Variants in PCDHGC3 observed in about 807,000 individuals in gnomAD.
The protein encoded by PCDHGC3 is protocadherin gamma subfamily C, 3.
PCDHGC3 carries 26 observed loss-of-function variants against 59.2 expected under a neutral mutation model. That is an observed-to-expected ratio of 0.44 (90% CI 0.32 to 0.61). The LOEUF is 0.61. Among genes scored for constraint, PCDHGC3 ranks in the 20% least tolerant of loss-of-function variants. The pLI, the probability that PCDHGC3 is intolerant of heterozygous loss-of-function variation, is 0.05. For missense variants in PCDHGC3, 1,080 were observed against 1,221.8 expected (o/e 0.88, Z 1.73); for synonymous variants, 487 against 519.7 (o/e 0.94, Z 0.86).
chr5:141,487,258 G>A lies in PCDHGC3; in HGVS notation c.2431-7549G>A, dbSNP rs368598017. The A allele has an allele frequency of 3.7e-6, 6 of 1,614,026 alleles. No homozygotes were observed. Among genetic ancestry groups the A allele is most frequent in the Non-Finnish European group, 4.2e-6 (5 of 1,180,030 alleles). On this transcript the variant is annotated intron_variant, in intron 1 of 3. Transcript: ENST00000308177. The surrounding 1 kb of genome is among the most constrained non-coding windows in gnomAD (Gnocchi z 5.0). ...CTCGTCTAACCCTCTACTTGGCTGT[G>A]TCCCTAGTGGCAATTTGCTTTGTCT...
rs143278253 is a variant in PCDHGC3 at position 141,476,491 on chromosome 5, C to T, written c.375C>T (p.Ile125=). 9.5e-5 allele frequency: 153 copies of T among 1,613,894 alleles called. No individual in the cohort carries two copies. The highest frequency in any genetic ancestry group is 5.4e-5 in the Non-Finnish European group (64 of 1,180,020). The change falls in exon 1 of 4, where the codon ATC becomes ATT. Residue 125 remains isoleucine, a synonymous_variant. Transcript: ENST00000308177. This position sits in a 1 kb window ranked among gnomAD's most constrained non-coding sequence, Gnocchi z 7.6. The part of the protein sequence containing the change: ...PLELFSVEVV[I]QDINDNNPAF... ...AGCTGTTCAGCGTGGAAGTGGTGAT[C>T]CAGGACATCAACGACAACAATCCTG... is the stretch of plus-strand genomic sequence containing the variant.
Position 141,487,830 on chromosome 5 carries a change from T to C in PCDHGC3, c.2431-6977T>C, listed in dbSNP as rs1410090651. On this transcript the variant is annotated intron_variant, in intron 1 of 3. Transcript: ENST00000308177. This position sits in a 1 kb window ranked among gnomAD's most constrained non-coding sequence, Gnocchi z 5.0. ...TTTAGCATTGGGGGCGGGTCATGCC[T>C]ATATCTGAGTAAGAAATGAAAGTAA... The C allele has an allele frequency of 3.5e-6, 4 of 1,139,942 alleles. No homozygotes were observed. The highest frequency in any genetic ancestry group is 1.6e-5 in the African/African-American group (1 of 63,734). The allele number at this position is 1,139,942 out of a possible 1,614,324, so 70.6% of individuals were successfully genotyped here.
chr5:141,491,253 T>C lies in PCDHGC3; in HGVS notation c.2431-3554T>C, dbSNP rs71583648. The C allele has an allele frequency of 2.3e-3, 3,639 of 1,614,176 alleles. 33 individuals carry two copies. The African/African-American group carries it at 0.026, about 11-fold the overall frequency. Reference sequence around the variant, plus strand: ...TGCTGGTTCTGGAGGATGAGGACCCTGAGGAAATGCCCAAATCCAGTGACT... The same window carrying C: ...TGCTGGTTCTGGAGGATGAGGACCCCGAGGAAATGCCCAAATCCAGTGACT... On this transcript the variant is annotated intron_variant, in intron 1 of 3. Coordinates refer to ENST00000308177, the MANE Select transcript of PCDHGC3 (RefSeq NM_002588.4). This position sits in a 1 kb window ranked among gnomAD's most constrained non-coding sequence, Gnocchi z 6.9.
Position 141,490,351 on chromosome 5 carries a change from T to C in PCDHGC3, c.2431-4456T>C. Reference sequence around the variant, plus strand: ...CACACCAGTGGGCACAGTAGTGGGGTTGTTTAATGTGCGAGACCGGGACTC... The same window carrying C: ...CACACCAGTGGGCACAGTAGTGGGGCTGTTTAATGTGCGAGACCGGGACTC... On this transcript the variant is annotated intron_variant, in intron 1 of 3. Transcript: ENST00000308177. The surrounding 1 kb of genome is among the most constrained non-coding windows in gnomAD (Gnocchi z 5.4). 6.2e-7 allele frequency: 1 copy of C among 1,614,028 alleles called. No individual in the cohort carries two copies. The highest frequency in any genetic ancestry group is 1.3e-5 in the African/African-American group (1 of 74,976).
Position 141,491,713 on chromosome 5 carries a change from G to A in PCDHGC3, c.2431-3094G>A. On this transcript the variant is annotated intron_variant, in intron 1 of 3. Transcript: ENST00000308177. This position sits in a 1 kb window ranked among gnomAD's most constrained non-coding sequence, Gnocchi z 6.9. ...GGAGCGGAGCCAGGTGAGGGGCTCG[G>A]CGCCGCCCCGGGCGACCCCTGGGGG... The A allele has an allele frequency of 1.9e-6, 3 of 1,609,174 alleles. No individual in the cohort carries two copies. Among genetic ancestry groups the A allele is most frequent in the Non-Finnish European group, 2.5e-6 (3 of 1,178,054 alleles).
chr5:141,501,290 T>TACACATACACAC (rs1224133816), intron 2 of PCDHGC3, among the ~76,000 whole-genome samples: 9 of 136,158 alleles, frequency 6.6e-5, no homozygotes, highest in Admixed American at 1.6e-4. Context: ...TATTCCCTTA[T>TACACATACACAC]ACACACACAC....
At position 141,476,030 on chromosome 5, in the gene PCDHGC3, G is replaced by A; in HGVS notation, c.-87G>A. On this transcript the variant is annotated 5_prime_UTR_variant, in exon 1 of 4. Coordinates refer to ENST00000308177, the MANE Select transcript of PCDHGC3 (RefSeq NM_002588.4). This position sits in a 1 kb window ranked among gnomAD's most constrained non-coding sequence, Gnocchi z 7.6. ...AAAGCCATGTCGGACTCGGCGCCCA[G>A]CGCCCAAGCGCTAACCCGCTGAAAG... 2.7e-6 allele frequency: 4 copies of A among 1,459,176 alleles called. No individual in the cohort carries two copies. The highest frequency in any genetic ancestry group is 3.6e-6 in the Non-Finnish European group (4 of 1,096,658). The allele number at this position is 1,459,176 out of a possible 1,614,324, so 90.4% of individuals were successfully genotyped here. A position where few individuals can be genotyped will look rare whatever the true frequency, so the allele number is the denominator to read the frequency against.
At position 141,511,239 on chromosome 5, in the gene PCDHGC3, C is replaced by A; in HGVS notation, c.*66C>A. On this transcript the variant is annotated 3_prime_UTR_variant, in exon 4 of 4. Coordinates refer to ENST00000308177, the MANE Select transcript of PCDHGC3 (RefSeq NM_002588.4). ...AACCAGCCCAGCTTCTCCTTACCTG[C>A]ACCCAGGCCTCAGAGTTTCAGGGCT... 1 of 1,587,938 alleles carries A rather than the reference C, an allele frequency of 6.3e-7. No homozygotes were observed. Among genetic ancestry groups the A allele is most frequent in the Admixed American group, 1.8e-5 (1 of 55,480 alleles).
chr5:141,491,507 C>A lies in PCDHGC3; in HGVS notation c.2431-3300C>A, dbSNP rs755899622. 1.9e-6 allele frequency: 3 copies of A among 1,614,038 alleles called. No individual in the cohort carries two copies. The highest frequency in any genetic ancestry group is 1.6e-4 in the Middle Eastern group (1 of 6,062). Reference sequence around the variant, plus strand: ...AACCTGCAGGTGAGCTCGGACGGCACGCTCAAGTACATGGAGGTGACGCTG... The same window carrying A: ...AACCTGCAGGTGAGCTCGGACGGCAAGCTCAAGTACATGGAGGTGACGCTG... On this transcript the variant is annotated intron_variant, in intron 1 of 3. Transcript: ENST00000308177. The surrounding 1 kb of genome is among the most constrained non-coding windows in gnomAD (Gnocchi z 6.9).
chr5:141,500,403 G>GT (rs2099800018), intron 2 of PCDHGC3, among the ~76,000 whole-genome samples: 1 of 151,706 alleles, frequency 6.6e-6, no homozygotes, highest in Non-Finnish European at 1.5e-5. Context: ...TAGAGACGGG[G>GT]TTTCACCGTG....
rs138070043 is a variant in PCDHGC3, at chr5:141,512,950, AAAT to A, written c.*1783_*1785del. 5,271 of 152,332 alleles carry A rather than the reference AAAT, an allele frequency of 0.035. 119 individuals carry two copies. The highest frequency in any genetic ancestry group is 0.075 in the South Asian group (360 of 4,826). The allele number at this position is 152,332 out of a possible 1,614,324, so 9.4% of individuals were successfully genotyped here. On this transcript the variant is annotated 3_prime_UTR_variant, in exon 4 of 4. Coordinates refer to ENST00000308177, the MANE Select transcript of PCDHGC3 (RefSeq NM_002588.4). ...ATATGGCTTTTTTTCTTCGACAAAA[AAAT>A]AATAAAACGTTTCTTCTGAAAAGCT...
chr5:141,486,909 C>A lies in PCDHGC3; in HGVS notation c.2431-7898C>A, dbSNP rs759702188. On this transcript the variant is annotated intron_variant, in intron 1 of 3. Coordinates refer to ENST00000308177, the MANE Select transcript of PCDHGC3 (RefSeq NM_002588.4). The surrounding 1 kb of genome is among the most constrained non-coding windows in gnomAD (Gnocchi z 5.0). ...CGGCCTGGTTCCTTATGTCCCCAAGCACTGCCTCCATCAGTTGGTGCTGGC... is the reference window on the plus strand; with the variant it reads ...CGGCCTGGTTCCTTATGTCCCCAAGAACTGCCTCCATCAGTTGGTGCTGGC... 3.1e-6 allele frequency: 5 copies of A among 1,614,262 alleles called. No individual in the cohort carries two copies. The East Asian group carries it at 1.1e-4, about 36-fold the overall frequency.
chr5:141,494,182 C>T (rs188628485), intron 1 of PCDHGC3, among the ~76,000 whole-genome samples: 132 of 152,244 alleles, frequency 8.7e-4, no homozygotes, highest in African/African-American at 3.1e-3. Flanking sequence ...AGAAGTGTCC[C>T]GGGACTTGGA....
chr5:141,509,709 T>C (rs1344120168), intron 3 of PCDHGC3, among the ~76,000 whole-genome samples: 1 of 152,200 alleles, frequency 6.6e-6, no homozygotes, highest in African/African-American at 2.4e-5. Context: ...CTGGAGGTGC[T>C]GTCTGATGTC....
Position 141,487,660 on chromosome 5 carries a change from T to C in PCDHGC3, c.2431-7147T>C. Reference sequence around the variant, plus strand: ...AACAAATGCTTGAGGGTTATTCTGATCCAGGCATATGGCTAGGCCATGTCC... The same window carrying C: ...AACAAATGCTTGAGGGTTATTCTGACCCAGGCATATGGCTAGGCCATGTCC... On this transcript the variant is annotated intron_variant, in intron 1 of 3. Coordinates refer to ENST00000308177, the MANE Select transcript of PCDHGC3 (RefSeq NM_002588.4). The surrounding 1 kb of genome is among the most constrained non-coding windows in gnomAD (Gnocchi z 5.0). The C allele has an allele frequency of 6.2e-7, 1 of 1,613,442 alleles. No homozygotes were observed. The highest frequency in any genetic ancestry group is 8.5e-7 in the Non-Finnish European group (1 of 1,179,710).
At chr5:141,508,096 G>A (rs1489615862) in intron 3 of PCDHGC3, 1 of 152,476 alleles carries the variant, frequency 6.6e-6, no homozygotes, top group African/African-American at 2.4e-5. Context: ...CCTTGGCCCT[G>A]GGATGGGGTA....
chr5:141,507,287 C>G (rs79707942), intron 3 of PCDHGC3: 1 of 148,974 alleles, frequency 6.7e-6, no homozygotes, highest in East Asian at 1.9e-4. Context: ...AAGTCAGTCT[C>G]AAATGTTGCA....
chr5:141,491,763 T>C lies in PCDHGC3; in HGVS notation c.2431-3044T>C. 1 of 1,570,222 alleles carries C rather than the reference T, an allele frequency of 6.4e-7. No homozygotes were observed. Among genetic ancestry groups the C allele is most frequent in the Non-Finnish European group, 8.6e-7 (1 of 1,159,286 alleles). Reference sequence around the variant, plus strand: ...GCGGCACTGGAGAAGCCGCCCGTCCTCATAAGGGATTGAACTTGCATCCAC... The same window carrying C: ...GCGGCACTGGAGAAGCCGCCCGTCCCCATAAGGGATTGAACTTGCATCCAC... On this transcript the variant is annotated intron_variant, in intron 1 of 3. Coordinates refer to ENST00000308177, the MANE Select transcript of PCDHGC3 (RefSeq NM_002588.4). The surrounding 1 kb of genome is among the most constrained non-coding windows in gnomAD (Gnocchi z 6.9).
intron 1 of PCDHGC3, among the ~76,000 whole-genome samples, chr5:141,480,451 T>G (rs2099519323): frequency 6.6e-6 from 1 of 152,136 alleles, no homozygotes; most frequent in African/African-American, 2.4e-5. Flanking sequence ...ATAATTATTT[T>G]TATTAGTTCC....
Sources: gnomAD v4.1 joint callset for allele counts (sites outside exome capture counted in the v4.1 genomes callset) on GRCh38, gnomAD v4.1.1 for gene constraint, Gnocchi (gnomAD v3.1) non-coding constraint, MANE v1.5 for transcripts, NCBI Gene and HGNC (gene_info 2026-07-23, HGNC 2026-07-21) for gene names.